CCPG1: variants seen among roughly 807,000 people sequenced by gnomAD.
The protein encoded by CCPG1 is cell cycle progression protein 1.
CCPG1 carries 46 observed loss-of-function variants against 81.3 expected under a neutral mutation model. The ratio of observed to expected loss-of-function variants is 0.57; its 90% confidence interval spans 0.45 to 0.72. The LOEUF (loss-of-function observed/expected upper bound fraction) is 0.72. Among genes scored for constraint, CCPG1 ranks in the 30% least tolerant of loss-of-function variants. CCPG1 has a pLI of 0.00. For missense variants in CCPG1, 902 were observed against 937.6 expected (o/e 0.96, Z 0.50); for synonymous variants, 330 against 305.2 (o/e 1.08, Z -0.85).
At chr15:55,376,563 T>A (rs972208440) in intron 5 of CCPG1, among the ~76,000 whole-genome samples, 12 of 152,216 alleles carry the variant, frequency 7.9e-5, no homozygotes, top group Non-Finnish European at 1.8e-4. Context: ...GAGACTTTAA[T>A]AACAATTTTT....
intron 1 of CCPG1, among the ~76,000 whole-genome samples, chr15:55,391,886 AAGG>A (rs1380498961): frequency 2.5e-5 from 1 of 40,698 alleles, no homozygotes; most frequent in African/African-American, 5.2e-5. Flanking sequence ...AAAAAAAAAA[AAGG>A]GGGGGGGGGG....
rs765764814 is a variant in CCPG1 at position 55,360,871 on chromosome 15, G to A, written c.902C>T (p.Thr301Met). The A allele has an allele frequency of 9.4e-6, 15 of 1,604,130 alleles. No homozygotes were observed. The highest frequency in any genetic ancestry group is 1.7e-5 in the Admixed American group (1 of 57,984). Residue 301 changes from threonine (T) to methionine (M), a missense_variant, in exon 8 of 9, where the codon ACG becomes ATG. Coordinates refer to ENST00000442196, the MANE Select transcript of CCPG1 (RefSeq NM_001204450.2). ...AEKMSFETQKTNLATENQYLR... is the reference protein window; with the variant it reads ...AEKMSFETQKMNLATENQYLR... ...ATACTGATTTTCTGTAGCAAGGTTC[G>A]TTTTCTGAGTTTCAAAGGACATCTT...
rs2056179580 is a variant in CCPG1, at chr15:55,360,922, C to CT, written c.850dup (p.Arg284LysfsTer7). 1 of 1,543,212 alleles carries CT rather than the reference C, an allele frequency of 6.5e-7. No homozygotes were observed. The highest frequency in any genetic ancestry group is 1.2e-5 in the South Asian group (1 of 80,652). Reference sequence around the variant, plus strand: ...CTCTGCTTCAGTAAGTGTCCAACACCTTGCAAGATTTTCTTTCAATGACTA... The same window carrying CT: ...CTCTGCTTCAGTAAGTGTCCAACACCTTTGCAAGATTTTCTTTCAATGACTA... On this transcript the variant is annotated frameshift_variant, in exon 8 of 9. Coordinates refer to ENST00000442196, the MANE Select transcript of CCPG1 (RefSeq NM_001204450.2). LOFTEE classifies it high-confidence loss of function.
At chr15:55,359,113 TTA>T (rs2056139412) in intron 8 of CCPG1, 29 of 983,636 alleles carry the variant, frequency 2.9e-5, no homozygotes, top group Non-Finnish European at 3.4e-5. Flanking sequence ...ATTAGAATTA[TTA>T]TATATGAGCT....
chr15:55,362,275 T>C (rs2056217336), intron 7 of CCPG1, among the ~76,000 whole-genome samples: 1 of 151,252 alleles, frequency 6.6e-6, no homozygotes, highest in Non-Finnish European at 1.5e-5. Flanking sequence ...TCACAAACGT[T>C]ATGGTTACCC....
At chr15:55,392,258 C>A (rs2056935419) in intron 1 of CCPG1, among the ~76,000 whole-genome samples, 1 of 140,760 alleles carries the variant, frequency 7.1e-6, no homozygotes, top group Admixed American at 7.5e-5. Context: ...TGTCACCAGG[C>A]TGGAGTGCAG....
rs576495005 is a variant in CCPG1 at position 55,361,567 on chromosome 15, A to T, written c.829-623T>A. 1.3e-4 allele frequency among the ~76,000 whole-genome samples: 20 copies of T among 151,638 alleles called. No homozygotes were observed. In the South Asian group the frequency reaches 2.9e-3, roughly 22 times the overall value. The stretch of plus-strand genomic sequence containing the variant: ...CTAAAAATACAAAAATTAGCTGGGC[A>T]TGGTGGCATGCACCTGTAGTCCCAG... On this transcript the variant is annotated intron_variant, in intron 7 of 8. Transcript: ENST00000442196.
chr15:55,378,449 A>G, intron 3 of CCPG1, 73 bp from the exon 4 acceptor site: 1 of 853,012 alleles, frequency 1.2e-6, no homozygotes, highest in Non-Finnish European at 1.9e-6. Flanking sequence ...CAGCCAACAT[A>G]TAATCTGGGT....
chr15:55,375,840 G>A (rs754050250), intron 5 of CCPG1, among the ~76,000 whole-genome samples: 56 of 152,044 alleles, frequency 3.7e-4, no homozygotes, highest in Admixed American at 2.6e-4. Context: ...GACCACATGC[G>A]CACGCCATCA....
intron 3 of CCPG1, among the ~76,000 whole-genome samples, chr15:55,379,724 C>A (rs2056641725): frequency 6.6e-6 from 1 of 151,974 alleles, no homozygotes; most frequent in Non-Finnish European, 1.5e-5. Context: ...AATGTCACTA[C>A]AGAAGATATA....
chr15:55,369,614 A>T (rs2056406746), intron 6 of CCPG1, among the ~76,000 whole-genome samples: 1 of 152,286 alleles, frequency 6.6e-6, no homozygotes, highest in Admixed American at 6.5e-5. Context: ...TAATTCAACT[A>T]ATCTCATTAC....
chr15:55,394,156 C>G (rs1385841332), intron 1 of CCPG1, among the ~76,000 whole-genome samples: 7 of 152,096 alleles, frequency 4.6e-5, no homozygotes, highest in Admixed American at 6.6e-5. Flanking sequence ...CCCTGCCCAG[C>G]TAATTTCTTT....
rs560980266 is a variant in CCPG1, at chr15:55,355,435, T to C, written c.*785A>G. On this transcript the variant is annotated 3_prime_UTR_variant, in exon 9 of 9. Coordinates refer to ENST00000442196, the MANE Select transcript of CCPG1 (RefSeq NM_001204450.2). ...TCAACATGAAGATGAAATTCTGAAC[T>C]TTCCTAGATAAATTAACATTGCTGG... 17 of 1,600,594 alleles carry C rather than the reference T, an allele frequency of 1.1e-5. 1 individual carries two copies. The South Asian group carries it at 1.5e-4, about 14-fold the overall frequency.
At chr15:55,394,076 A>C (rs139685062) in intron 1 of CCPG1, among the ~76,000 whole-genome samples, 157 of 152,240 alleles carry the variant, frequency 1.0e-3, no homozygotes, top group Middle Eastern at 3.4e-3. Context: ...CACAGCCTCA[A>C]ACTCCCAGGT....
rs555957003 is a variant in CCPG1 at position 55,385,935 on chromosome 15, A to G, written c.61-221T>C. 8.5e-5 allele frequency among the ~76,000 whole-genome samples: 13 copies of G among 152,360 alleles called. No individual in the cohort carries two copies. The East Asian group carries it at 1.7e-3, about 20-fold the overall frequency. Reference sequence around the variant, plus strand: ...TCAGGTTTAAATTCTAAGTCAGGTCAGCCCAAAAGTGGAATGCTCTATTTT... The same window carrying G: ...TCAGGTTTAAATTCTAAGTCAGGTCGGCCCAAAAGTGGAATGCTCTATTTT... On this transcript the variant is annotated intron_variant, in intron 2 of 8. Coordinates refer to ENST00000442196, the MANE Select transcript of CCPG1 (RefSeq NM_001204450.2).
intron 1 of CCPG1, among the ~76,000 whole-genome samples, chr15:55,396,850 C>A (rs985636223): frequency 6.6e-6 from 1 of 152,130 alleles, no homozygotes; most frequent in African/African-American, 2.4e-5. Flanking sequence ...AGAGCTCTAC[C>A]TCTGAGAAAC....
chr15:55,388,973 C>A (rs1214314317), intron 2 of CCPG1, among the ~76,000 whole-genome samples: 1 of 142,812 alleles, frequency 7.0e-6, no homozygotes, highest in Non-Finnish European at 1.5e-5. Context: ...GAGGCTGAGG[C>A]AGGAGAATCA....
At chr15:55,391,308 G>A (rs537966775) in intron 1 of CCPG1, among the ~76,000 whole-genome samples, 46 of 152,126 alleles carry the variant, frequency 3.0e-4, no homozygotes, top group South Asian at 1.0e-3. Context: ...TAGAGACAAC[G>A]TTTGGCCATG....
At chr15:55,391,887 AGGG>A (rs61200003) in intron 1 of CCPG1, among the ~76,000 whole-genome samples, 2 of 44,740 alleles carry the variant, frequency 4.5e-5, no homozygotes, top group Non-Finnish European at 8.5e-5. Context: ...AAAAAAAAAA[AGGG>A]GGGGGGGGGC....
Sources: allele counts gnomAD v4.1 joint callset (sites outside exome capture counted in the v4.1 genomes callset), GRCh38; gene constraint gnomAD v4.1.1; transcripts MANE v1.5; gene names NCBI Gene and HGNC (gene_info 2026-07-23, HGNC 2026-07-21).